The following SLC25A30 variants were observed in gnomAD, a reference collection of about 807,000 sequenced individuals.
SLC25A30 encodes solute carrier family 25 member 30.
SLC25A30 carries 29 observed loss-of-function variants against 42.7 expected under a neutral mutation model. That is an observed-to-expected ratio of 0.68 (90% CI 0.51 to 0.93). The LOEUF (loss-of-function observed/expected upper bound fraction) is 0.93. SLC25A30 is among the 40% of genes least tolerant of loss of function. The probability of loss-of-function intolerance (pLI) is 0.00; values close to 1 mark genes in which losing one functional copy is unlikely to be tolerated. For synonymous variants in SLC25A30, 124 were observed against 131.0 expected, an observed-to-expected ratio of 0.95 and a Z score of 0.37; for missense variants, 300 against 359.7, an observed-to-expected ratio of 0.83 and a Z score of 1.34.
At chr13:45,421,696 C>T (rs772624032), upstream of SLC25A30, among the ~76,000 whole-genome samples, 15 of 152,102 alleles carry the variant, frequency 9.9e-5, no homozygotes, top group Non-Finnish European at 1.6e-4. Flanking sequence ...TTAAATGAGG[C>T]GACGTGTGCA....
intron 3 of SLC25A30, among the ~76,000 whole-genome samples, chr13:45,407,532 C>T (rs539083192): frequency 3.3e-5 from 5 of 152,150 alleles, no homozygotes; most frequent in Admixed American, 2.6e-4. Flanking sequence ...GCACTCCAGC[C>T]TGGGTGACAA....
At chr13:45,416,426 T>A (rs530312042) in intron 1 of SLC25A30, among the ~76,000 whole-genome samples, 3 of 150,532 alleles carry the variant, frequency 2.0e-5, no homozygotes, top group Non-Finnish European at 4.4e-5. Flanking sequence ...TAAATAAATA[T>A]ATAAATAAAT....
chr13:45,393,655 G>T lies in SLC25A30; in HGVS notation c.*2319C>A. ...TATAGCCAGAACCCTGACAACGAGG[G>T]GACCAAGTCTCCCAATTCCTTAAGT... On this transcript the variant is annotated 3_prime_UTR_variant, in exon 10 of 10. Coordinates refer to ENST00000519676, the MANE Select transcript of SLC25A30 (RefSeq NM_001010875.4). The T allele has an allele frequency of 1.0e-6, 1 of 985,296 alleles. No individual in the cohort carries two copies. The highest frequency in any genetic ancestry group is 1.2e-6 in the Non-Finnish European group (1 of 829,914). The allele number at this position is 985,296 out of a possible 1,614,324, so 61.0% of individuals were successfully genotyped here.
the SLC25A30 span, among the ~76,000 whole-genome samples, chr13:45,424,695 A>G: frequency 1.4e-5 from 1 of 73,690 alleles, no homozygotes; most frequent in African/African-American, 5.1e-5. Flanking sequence ...AGATATATAT[A>G]AAGATATATA....
intron 1 of SLC25A30, among the ~76,000 whole-genome samples, chr13:45,412,248 T>C (rs1004870541): frequency 1.1e-4 from 16 of 152,034 alleles, no homozygotes; most frequent in Admixed American, 3.3e-4. Context: ...GCTTCCCAAC[T>C]ACCTGGGACC....
the SLC25A30 span, among the ~76,000 whole-genome samples, chr13:45,423,999 A>G: frequency 2.4e-5 from 2 of 84,656 alleles, no homozygotes; most frequent in African/African-American, 9.1e-5. Context: ...ATAAATATAT[A>G]TAAAAATATA....
rs373635913 is a variant in SLC25A30, at chr13:45,405,878, C to A, written c.307+5G>T. On this transcript the variant is annotated splice_donor_5th_base_variant and intron_variant, in intron 4 of 9. Coordinates refer to ENST00000519676, the MANE Select transcript of SLC25A30 (RefSeq NM_001010875.4). Reference sequence around the variant, plus strand: ...TCCACAGTGGAAAACAGATTCCCCACTCACCTTCTGGGCGTTCAATGAATA... The same window carrying A: ...TCCACAGTGGAAAACAGATTCCCCAATCACCTTCTGGGCGTTCAATGAATA... The A allele has an allele frequency of 3.3e-5, 54 of 1,613,872 alleles. No individual in the cohort carries two copies. The highest frequency in any genetic ancestry group is 3.3e-4 in the Middle Eastern group (2 of 6,080).
chr13:45,410,302 C>T (rs1025520816), intron 2 of SLC25A30, among the ~76,000 whole-genome samples: 1 of 152,178 alleles, frequency 6.6e-6, no homozygotes, highest in East Asian at 1.9e-4. Flanking sequence ...AACCTCTTTA[C>T]AGCCAAACAG....
At chr13:45,398,890 CAA>C in intron 8 of SLC25A30, 48 bp downstream of exon 8, 1 of 1,579,044 alleles carries the variant, frequency 6.3e-7, no homozygotes. Flanking sequence ...CTTCTTAGAT[CAA>C]AAAAATATAT....
chr13:45,397,260 T>C lies in SLC25A30; in HGVS notation c.832A>G (p.Ile278Val). Reference sequence around the variant, plus strand: ...TCTATTGCAACAGAAAAGGATACAATGATATTCCAAGGACCAAGTCTCAAC... The same window carrying C: ...TCTATTGCAACAGAAAAGGATACAACGATATTCCAAGGACCAAGTCTCAAC... ...NWLRLGPWNI[I>V]FFVTYEQLKK... is the part of the protein sequence containing the mutation. Residue 278 changes from isoleucine (I) to valine (V), a missense_variant and splice_region_variant, in exon 9 of 10, where the codon ATT (isoleucine) becomes GTT (valine). Coordinates refer to ENST00000519676, the MANE Select transcript of SLC25A30 (RefSeq NM_001010875.4). 6.2e-7 allele frequency: 1 copy of C among 1,600,434 alleles called. No homozygotes were observed. Among genetic ancestry groups the C allele is most frequent in the Non-Finnish European group, 8.6e-7 (1 of 1,168,074 alleles).
chr13:45,424,104 AAAATATATAT>A, the SLC25A30 span, among the ~76,000 whole-genome samples: 56 of 37,456 alleles, frequency 1.5e-3, no homozygotes, highest in Middle Eastern at 0.026. Context: ...TAAATATATA[AAAATATATAT>A]AAATATATAT....
chr13:45,423,582 T>A, the SLC25A30 span, among the ~76,000 whole-genome samples: 71 of 63,804 alleles, frequency 1.1e-3, 16 homozygotes, highest in Admixed American at 4.6e-4. Flanking sequence ...TATATAAAAA[T>A]ATATATAAAT....
chr13:45,398,844 T>A, intron 8 of SLC25A30, 96 bp downstream of exon 8: 1 of 1,365,554 alleles, frequency 7.3e-7, no homozygotes, highest in Non-Finnish European at 1.0e-6. Flanking sequence ...TAAAGCATCA[T>A]TCATCTTAGT....
intron 7 of SLC25A30, among the ~76,000 whole-genome samples, chr13:45,400,065 C>CACACACAT (rs1376315085): frequency 6.8e-6 from 1 of 146,166 alleles, no homozygotes; most frequent in Non-Finnish European, 1.5e-5. Flanking sequence ...CACACACACA[C>CACACACAT]ATATGAATGA....
chr13:45,405,594 T>C (rs561783668), intron 4 of SLC25A30, among the ~76,000 whole-genome samples: 1 of 152,354 alleles, frequency 6.6e-6, no homozygotes, highest in South Asian at 2.1e-4. Context: ...TTTTAGCAAA[T>C]TTTAAGTTGG....
chr13:45,394,722 T>G lies in SLC25A30; in HGVS notation c.*1252A>C. On this transcript the variant is annotated 3_prime_UTR_variant, in exon 10 of 10. Transcript: ENST00000519676. Reference sequence around the variant, plus strand: ...GAAAAAAAGAAGAGGGAGAATGACTTATTGTGTCTACAGAAGGAAAGAAAA... The same window carrying G: ...GAAAAAAAGAAGAGGGAGAATGACTGATTGTGTCTACAGAAGGAAAGAAAA... 4 of 985,114 alleles carry G rather than the reference T, an allele frequency of 4.1e-6. No homozygotes were observed. Among genetic ancestry groups the G allele is most frequent in the Non-Finnish European group, 4.8e-6 (4 of 829,720 alleles). 61.0% of individuals were successfully genotyped at this position (985,114 alleles called of 1,614,324 possible).
At chr13:45,411,140 C>T (rs1168109955) in intron 2 of SLC25A30, among the ~76,000 whole-genome samples, 2 of 151,954 alleles carry the variant, frequency 1.3e-5, no homozygotes, top group Non-Finnish European at 2.9e-5. Context: ...AGGTTTCACT[C>T]TGTTGCCCAG....
intron 3 of SLC25A30, 52 bp from the exon 4 acceptor site, chr13:45,406,029 TCG>T: frequency 6.4e-7 from 1 of 1,552,832 alleles, no homozygotes; most frequent in Non-Finnish European, 8.9e-7. Context: ...TCACTTAACA[TCG>T]GCTAGGCAAC....
chr13:45,400,039 C>T (rs149443509), intron 7 of SLC25A30, among the ~76,000 whole-genome samples: 44,982 of 109,630 alleles, frequency 0.41, 10,028 homozygotes, highest in African/African-American at 0.52. Flanking sequence ...TATATACACA[C>T]ACACACACAC....
Sources: gnomAD v4.1 joint callset for allele counts (sites outside exome capture counted in the v4.1 genomes callset) on GRCh38, gnomAD v4.1.1 for gene constraint, MANE v1.5 for transcripts, NCBI Gene and HGNC (gene_info 2026-07-23, HGNC 2026-07-21) for gene names.